The following XRCC5 variants were observed in gnomAD, a reference collection of about 807,000 sequenced individuals.
XRCC5 encodes the protein DNA repair protein Ku80.
In XRCC5, 12 loss-of-function variants were observed where a neutral mutation model predicts 95.7. The observed-to-expected ratio is 0.13, with a 90% CI of 0.08 to 0.20. XRCC5 has a LOEUF of 0.20. Ranked by LOEUF, XRCC5 falls within the 10% of genes least tolerant of loss-of-function variation. The pLI, the probability that XRCC5 is intolerant of heterozygous loss-of-function variation, is 1.00. For synonymous variants in XRCC5, 281 were observed against 290.3 expected (o/e 0.97, Z 0.33); for missense variants, 595 against 873.9 (o/e 0.68, Z 4.02).
chr2:216,143,730 C>T (rs1488225567), intron 13 of XRCC5, among the ~76,000 whole-genome samples: 2 of 150,756 alleles, frequency 1.3e-5, no homozygotes, highest in African/African-American at 4.9e-5. Context: ...TATTTTGAGA[C>T]GGAGTCTCAC....
chr2:216,115,557 A>G (rs982394356), intron 2 of XRCC5, among the ~76,000 whole-genome samples: 3 of 152,234 alleles, frequency 2.0e-5, no homozygotes, highest in Non-Finnish European at 2.9e-5. Flanking sequence ...TTTACAGACT[A>G]AAGGATTAAA....
intron 10 of XRCC5, 27 bp from the exon 11 acceptor site, chr2:216,137,061 T>G: frequency 6.2e-7 from 1 of 1,609,106 alleles, no homozygotes; most frequent in Non-Finnish European, 8.5e-7. Context: ...GTTGAATATG[T>G]GTTAATACAT....
At chr2:216,157,415 A>C (rs938678911) in intron 14 of XRCC5, among the ~76,000 whole-genome samples, 3 of 151,588 alleles carry the variant, frequency 2.0e-5, no homozygotes, top group African/African-American at 7.3e-5. Context: ...TTGTACTTTT[A>C]ATAGAGGTGG....
At chr2:216,175,488 A>G (rs1574479247) in intron 16 of XRCC5, 2 of 487,614 alleles carry the variant, frequency 4.1e-6, no homozygotes, top group South Asian at 3.0e-5. Context: ...GTGTTTCTAA[A>G]CAACAGTTTT....
At chr2:216,167,592 G>GTT (rs1689076102) in intron 16 of XRCC5, among the ~76,000 whole-genome samples, 2 of 148,026 alleles carry the variant, frequency 1.4e-5, no homozygotes, top group Non-Finnish European at 3.0e-5. Flanking sequence ...GTGTGTGTGT[G>GTT]TGTGTGTGTG....
In XRCC5 at chr2:216,161,971, T is replaced by C. The variant is rs1419912846; in HGVS notation, c.1765-8T>C. 6.2e-7 allele frequency: 1 copy of C among 1,613,606 alleles called. No individual in the cohort carries two copies. Among genetic ancestry groups the C allele is most frequent in the East Asian group, 2.2e-5 (1 of 44,872 alleles). The stretch of plus-strand genomic sequence containing the variant: ...CCTGTAGGTTTATCATCTGTTGGTA[T>C]ATTTTAGGTTGGAAGTGTGAATCCT... On this transcript the variant is annotated splice_region_variant and splice_polypyrimidine_tract_variant and intron_variant, in intron 15 of 20. Coordinates refer to ENST00000392132, the MANE Select transcript of XRCC5 (RefSeq NM_021141.4).
chr2:216,143,531 A>G (rs1697204213), intron 13 of XRCC5, among the ~76,000 whole-genome samples: 1 of 152,220 alleles, frequency 6.6e-6, no homozygotes, highest in Non-Finnish European at 1.5e-5. Flanking sequence ...TTTATATTCC[A>G]AAGCTGCTGC....
At chr2:216,131,644 T>G (rs894596701) in intron 9 of XRCC5, among the ~76,000 whole-genome samples, 2 of 152,176 alleles carry the variant, frequency 1.3e-5, no homozygotes, top group African/African-American at 4.8e-5. Flanking sequence ...ACCCTTCCCC[T>G]CTAAGTCTTC....
At chr2:216,118,361 G>T (rs1009617267) in intron 4 of XRCC5, among the ~76,000 whole-genome samples, 1 of 151,962 alleles carries the variant, frequency 6.6e-6, no homozygotes, top group African/African-American at 2.4e-5. Flanking sequence ...TTTTATTTTT[G>T]CAGAGACGGT....
At chr2:216,141,064 CT>C in intron 12 of XRCC5, 121 bp from the exon 13 acceptor site, 2 of 1,140,908 alleles carry the variant, frequency 1.8e-6, no homozygotes, top group Non-Finnish European at 2.5e-6. Context: ...CTAGAGAATA[CT>C]TTGGCAGGGC....
At chr2:216,191,174 T>G (rs1689606372) in intron 17 of XRCC5, among the ~76,000 whole-genome samples, 1 of 152,194 alleles carries the variant, frequency 6.6e-6, no homozygotes, top group Non-Finnish European at 1.5e-5. Context: ...TTCAGTTGGA[T>G]GGAGAAAGAT....
At chr2:216,174,839 G>T (rs944010803) in intron 16 of XRCC5, 1 of 228,174 alleles carries the variant, frequency 4.4e-6, no homozygotes, top group Non-Finnish European at 8.8e-6. Context: ...TGCAACTTTT[G>T]TGACAACTCC....
At chr2:216,123,674 T>G (rs1696856166) in intron 6 of XRCC5, among the ~76,000 whole-genome samples, 1 of 152,092 alleles carries the variant, frequency 6.6e-6, no homozygotes, top group South Asian at 2.1e-4. Context: ...GGCATGGTGG[T>G]GCATGCCTGT....
chr2:216,189,875 C>T (rs569696677), intron 16 of XRCC5, among the ~76,000 whole-genome samples: 1 of 152,096 alleles, frequency 6.6e-6, no homozygotes, highest in African/African-American at 2.4e-5. Context: ...TTGAATTATC[C>T]AAATGGCCCC....
At chr2:216,165,056 A>G (rs1330453391) in intron 16 of XRCC5, among the ~76,000 whole-genome samples, 1 of 152,210 alleles carries the variant, frequency 6.6e-6, no homozygotes, top group Non-Finnish European at 1.5e-5. Flanking sequence ...TATTATCTCC[A>G]TTTTACTGAT....
chr2:216,130,724 T>C (rs917142102), intron 8 of XRCC5, 151 bp from the exon 9 acceptor site: 5 of 540,840 alleles, frequency 9.2e-6, no homozygotes, highest in African/African-American at 2.0e-5. Flanking sequence ...TCACCATTGA[T>C]CACAAGGGGC....
chr2:216,158,017 G>A (rs1014534923), intron 14 of XRCC5, among the ~76,000 whole-genome samples: 1 of 152,186 alleles, frequency 6.6e-6, no homozygotes, highest in Non-Finnish European at 1.5e-5. Flanking sequence ...AAATTTTACT[G>A]TGTTGTGCAT....
chr2:216,110,160 G>A (rs1355533953), intron 1 of XRCC5, among the ~76,000 whole-genome samples: 3 of 152,164 alleles, frequency 2.0e-5, no homozygotes, highest in Non-Finnish European at 4.4e-5. Context: ...TCTGGTTTCA[G>A]GGCCCTGGAG....
At chr2:216,199,535 C>T (rs1327270415) in intron 19 of XRCC5, among the ~76,000 whole-genome samples, 2 of 152,126 alleles carry the variant, frequency 1.3e-5, no homozygotes, top group African/African-American at 2.4e-5. Flanking sequence ...TCATTATAAC[C>T]TGTCAGTTCT....
Sources: allele counts gnomAD v4.1 joint callset (sites outside exome capture counted in the v4.1 genomes callset), GRCh38; gene constraint gnomAD v4.1.1; transcripts MANE v1.5; gene names NCBI Gene and HGNC (gene_info 2026-07-23, HGNC 2026-07-21).